The following DCAF6 variants were observed in gnomAD, a reference collection of about 807,000 sequenced individuals.
The protein encoded by DCAF6 is DDB1 and CUL4 associated factor 6.
DCAF6 carries 54 observed loss-of-function variants against 125.1 expected under a neutral mutation model. The ratio of observed to expected loss-of-function variants is 0.43; its 90% confidence interval spans 0.35 to 0.54. The LOEUF (loss-of-function observed/expected upper bound fraction) is 0.54. Among genes scored for constraint, DCAF6 ranks in the 20% least tolerant of loss-of-function variants. The pLI, the probability that DCAF6 is intolerant of heterozygous loss-of-function variation, is 0.01. For missense variants in DCAF6, 934 were observed against 1,161.7 expected, an observed-to-expected ratio of 0.80 and a Z score of 2.85; for synonymous variants, 371 against 390.4, an observed-to-expected ratio of 0.95 and a Z score of 0.58.
At chr1:167,896,528 G>C in the DCAF6 span, 6 of 1,263,222 alleles carry the variant, frequency 4.7e-6, no homozygotes, top group Non-Finnish European at 7.0e-6. Flanking sequence ...TGAAGCTGTC[G>C]GCATTGATAT....
chr1:168,064,010 C>CTT, intron 18 of DCAF6: 1 of 199,944 alleles, frequency 5.0e-6, no homozygotes. Flanking sequence ...GTAATCATTG[C>CTT]TTTTGTTTTT....
At chr1:167,885,587 A>G in the DCAF6 span, among the ~76,000 whole-genome samples, 1 of 151,742 alleles carries the variant, frequency 6.6e-6, no homozygotes, top group Non-Finnish European at 1.5e-5. Context: ...CTTGTTTGCC[A>G]TTTGTATGTC....
intron 18 of DCAF6, among the ~76,000 whole-genome samples, chr1:168,064,185 A>G (rs1692036419): frequency 1.3e-5 from 2 of 151,200 alleles, no homozygotes; most frequent in Admixed American, 1.3e-4. Context: ...TTGTCAGGCC[A>G]CTTTATACCC....
At chr1:167,953,113 C>T (rs992404409) in intron 2 of DCAF6, among the ~76,000 whole-genome samples, 13 of 152,064 alleles carry the variant, frequency 8.5e-5, no homozygotes, top group Admixed American at 3.9e-4. Context: ...ACTGTTTTTT[C>T]GGTATTAATC....
the DCAF6 span, among the ~76,000 whole-genome samples, chr1:167,877,954 AT>A: frequency 6.6e-6 from 1 of 152,246 alleles, no homozygotes; most frequent in African/African-American, 2.4e-5. Flanking sequence ...GAACATCACC[AT>A]GAAAATGACT....
intron 12 of DCAF6, chr1:168,023,330 T>A: frequency 6.1e-6 from 3 of 489,596 alleles, no homozygotes; most frequent in South Asian, 6.6e-5. Flanking sequence ...ATCCATTTTT[T>A]AAATTCTAGG....
the DCAF6 span, among the ~76,000 whole-genome samples, chr1:167,929,112 C>T: frequency 6.0e-5 from 9 of 150,236 alleles, no homozygotes; most frequent in Non-Finnish European, 3.0e-5. Context: ...TAATCCCAGC[C>T]GTTTGGGAGG....
the DCAF6 span, chr1:167,878,547 G>T: frequency 6.2e-7 from 1 of 1,614,120 alleles, no homozygotes; most frequent in Non-Finnish European, 8.5e-7. Context: ...CTGGTAGGTT[G>T]CTCCCATTGT....
chr1:167,896,456 TA>T, the DCAF6 span: 1 of 759,624 alleles, frequency 1.3e-6, no homozygotes, highest in Non-Finnish European at 2.4e-6. Context: ...GAATGGGAAG[TA>T]GGTCCCCTTT....
chr1:167,924,281 T>C, the DCAF6 span: 1 of 358,582 alleles, frequency 2.8e-6, no homozygotes, highest in Non-Finnish European at 5.2e-6. Context: ...AACAAGTATG[T>C]TCCCAGAAGG....
intron 12 of DCAF6, among the ~76,000 whole-genome samples, chr1:168,034,661 G>T (rs1454035725): frequency 1.3e-5 from 2 of 152,112 alleles, no homozygotes; most frequent in Non-Finnish European, 2.9e-5. Context: ...ATTTATAATT[G>T]ATGTATATTC....
chr1:167,926,081 T>C, the DCAF6 span, among the ~76,000 whole-genome samples: 1 of 152,234 alleles, frequency 6.6e-6, no homozygotes, highest in Non-Finnish European at 1.5e-5. Flanking sequence ...ACAAACCCTG[T>C]GGTTCCTTGT....
At chr1:167,887,312 G>T in the DCAF6 span, among the ~76,000 whole-genome samples, 1 of 152,164 alleles carries the variant, frequency 6.6e-6, no homozygotes, top group African/African-American at 2.4e-5. Flanking sequence ...TCCATCAGTG[G>T]TAGACTGGAT....
At chr1:167,883,230 G>A in the DCAF6 span, among the ~76,000 whole-genome samples, 14 of 152,270 alleles carry the variant, frequency 9.2e-5, no homozygotes, top group South Asian at 2.9e-3. Flanking sequence ...TAGAGACAGG[G>A]TTTCACTATG....
At chr1:167,923,556 G>T in the DCAF6 span, among the ~76,000 whole-genome samples, 1 of 152,114 alleles carries the variant, frequency 6.6e-6, no homozygotes, top group Non-Finnish European at 1.5e-5. Context: ...GGAGAATGGG[G>T]AATTATGGGT....
intron 4 of DCAF6, among the ~76,000 whole-genome samples, chr1:167,978,663 A>G (rs1678617937): frequency 6.6e-6 from 1 of 151,870 alleles, no homozygotes; most frequent in African/African-American, 2.4e-5. Flanking sequence ...TCACTCTCCT[A>G]GTGGTGGGGG....
chr1:167,973,427 A>G (rs1677648260), intron 3 of DCAF6, among the ~76,000 whole-genome samples: 1 of 152,180 alleles, frequency 6.6e-6, no homozygotes, highest in Admixed American at 6.6e-5. Context: ...CTTTCCTAAC[A>G]GTCTTTCCCC....
chr1:168,052,432 A>G (rs1690063180), intron 17 of DCAF6, among the ~76,000 whole-genome samples: 1 of 152,184 alleles, frequency 6.6e-6, no homozygotes, highest in South Asian at 2.1e-4. Flanking sequence ...CTCCCTGTAG[A>G]GTGAATGAGG....
the DCAF6 span, among the ~76,000 whole-genome samples, chr1:167,887,028 T>C: frequency 6.6e-6 from 1 of 152,076 alleles, no homozygotes; most frequent in East Asian, 1.9e-4. Flanking sequence ...ATGGCAATCA[T>C]TAAAAAGTCA....
Sources: gnomAD v4.1 joint callset for allele counts (sites outside exome capture counted in the v4.1 genomes callset) on GRCh38, gnomAD v4.1.1 for gene constraint, MANE v1.5 for transcripts, NCBI Gene and HGNC (gene_info 2026-07-23, HGNC 2026-07-21) for gene names.